Variants in FBXL17 observed in about 807,000 individuals in gnomAD.
The protein encoded by FBXL17 is F-box/LRR-repeat protein 17.
FBXL17 carries 22 observed loss-of-function variants against 66.2 expected under a neutral mutation model. The observed-to-expected ratio is 0.33, with a 90% CI of 0.24 to 0.47. The LOEUF (loss-of-function observed/expected upper bound fraction) is 0.47, where lower values mean the gene tolerates loss of function less well. FBXL17 is among the 20% of genes least tolerant of loss of function. FBXL17 has a pLI of 1.00. For missense variants in FBXL17, 878 were observed against 948.2 expected (o/e 0.93, Z 0.97); for synonymous variants, 474 against 400.5 (o/e 1.18, Z -2.19).
At chr5:108,285,421 T>C (rs544585694) in intron 4 of FBXL17, among the ~76,000 whole-genome samples, 1 of 151,966 alleles carries the variant, frequency 6.6e-6, no homozygotes, top group Admixed American at 6.6e-5. Flanking sequence ...AGCTATAGCC[T>C]TACAAAATAT....
chr5:108,061,842 G>A (rs531228996), intron 6 of FBXL17, among the ~76,000 whole-genome samples: 1 of 151,358 alleles, frequency 6.6e-6, no homozygotes, highest in South Asian at 2.1e-4. Flanking sequence ...GTTTCTTTTA[G>A]TGATTTAAGC....
At chr5:107,982,602 T>A (rs1051280063) in intron 7 of FBXL17, among the ~76,000 whole-genome samples, 5 of 152,188 alleles carry the variant, frequency 3.3e-5, no homozygotes, top group African/African-American at 1.2e-4. Context: ...TATGGAGATT[T>A]TAGGTTAATT....
intron 5 of FBXL17, among the ~76,000 whole-genome samples, chr5:108,204,074 T>C (rs7712192): frequency 1.3e-5 from 2 of 152,118 alleles, no homozygotes; most frequent in African/African-American, 4.8e-5. Flanking sequence ...AAAACAAAAC[T>C]CAACCAAACC....
Position 108,098,699 on chromosome 5 carries a change from C to T in FBXL17, c.1746-77698G>A, listed in dbSNP as rs1048879485. ...GGCGGCGCTTGCAATGAGCCAAGAT[C>T]GTGCTGCTGCACTCCAGCCTGGGCA... is the stretch of plus-strand genomic sequence containing the variant. On this transcript the variant is annotated intron_variant, in intron 6 of 8. Transcript: ENST00000542267. Among the ~76,000 whole-genome samples the T allele has an allele frequency of 3.5e-5, 5 of 144,166 alleles. No individual in the cohort carries two copies. In the East Asian group the frequency reaches 8.3e-4, roughly 24 times the overall value. The allele number at this position is 144,166 out of a possible 152,430, so 94.6% of individuals were successfully genotyped here. A position where few individuals can be genotyped will look rare whatever the true frequency, so the allele number is the denominator to read the frequency against.
At chr5:107,887,031 A>C (rs562626681) in intron 7 of FBXL17, among the ~76,000 whole-genome samples, 2 of 152,256 alleles carry the variant, frequency 1.3e-5, no homozygotes, top group South Asian at 2.1e-4. Flanking sequence ...ATCAGGGAAA[A>C]CTAGTTAAAT....
chr5:108,030,216 C>G (rs1410525305), intron 6 of FBXL17, among the ~76,000 whole-genome samples: 1 of 152,094 alleles, frequency 6.6e-6, no homozygotes, highest in African/African-American at 2.4e-5. Context: ...CCAGGTTGCT[C>G]TGCATGGATT....
At chr5:108,302,476 A>G (rs1410638371) in intron 4 of FBXL17, among the ~76,000 whole-genome samples, 1 of 151,804 alleles carries the variant, frequency 6.6e-6, no homozygotes, top group Non-Finnish European at 1.5e-5. Context: ...GAATTAGCCT[A>G]TCATTGCCTA....
rs1758408389 is a variant in FBXL17, at chr5:108,297,749, AG to A, written c.1506+50649del. ...CAACTCAGAAATAAACTTCAAAAAA[AG>A]TTTATTCATAACAAATTAAGAAATA... On this transcript the variant is annotated intron_variant, in intron 4 of 8. Transcript: ENST00000542267. 7.8e-6 allele frequency: 5 copies of A among 640,280 alleles called. No individual in the cohort carries two copies. The South Asian group carries it at 3.5e-4, about 45-fold the overall frequency. 39.7% of individuals were successfully genotyped at this position (640,280 alleles called of 1,614,324 possible). A position where few individuals can be genotyped will look rare whatever the true frequency, so the allele number is the denominator to read the frequency against.
intron 6 of FBXL17, among the ~76,000 whole-genome samples, chr5:108,114,369 T>C (rs1210834660): frequency 6.8e-6 from 1 of 148,084 alleles, no homozygotes; most frequent in Non-Finnish European, 1.5e-5. Context: ...ATAAATTCAG[T>C]ATGACATCAA....
At chr5:108,150,414 G>C (rs994083211) in intron 6 of FBXL17, among the ~76,000 whole-genome samples, 5 of 152,064 alleles carry the variant, frequency 3.3e-5, no homozygotes, top group African/African-American at 4.8e-5. Context: ...ACGGTGCCCA[G>C]GCTGATCTCA....
At chr5:107,880,740 T>G in intron 8 of FBXL17, 4 of 1,282,602 alleles carry the variant, frequency 3.1e-6, no homozygotes, top group East Asian at 2.9e-5. Flanking sequence ...ATCTTTTACA[T>G]TTTGGTCCAT....
chr5:107,959,081 T>G (rs1751787773), intron 7 of FBXL17, among the ~76,000 whole-genome samples: 1 of 152,108 alleles, frequency 6.6e-6, no homozygotes, highest in African/African-American at 2.4e-5. Context: ...GGGCCTTCTC[T>G]TACACGCACC....
intron 7 of FBXL17, among the ~76,000 whole-genome samples, chr5:107,977,542 T>G (rs1183951612): frequency 6.6e-6 from 1 of 152,142 alleles, no homozygotes; most frequent in African/African-American, 2.4e-5. Context: ...TGAACAGAGA[T>G]GGGCTGTTTA....
At chr5:107,870,176 C>T (rs550177375) in intron 8 of FBXL17, among the ~76,000 whole-genome samples, 1 of 152,264 alleles carries the variant, frequency 6.6e-6, no homozygotes, top group African/African-American at 2.4e-5. Flanking sequence ...AAGCCACCGA[C>T]TGAAAAGCTC....
At chr5:108,258,326 G>A (rs375433030) in intron 4 of FBXL17, among the ~76,000 whole-genome samples, 1 of 152,110 alleles carries the variant, frequency 6.6e-6, no homozygotes, top group South Asian at 2.1e-4. Context: ...CCAGAGTTCT[G>A]AGAAAATAAA....
chr5:107,996,737 T>A (rs75462793), intron 7 of FBXL17, among the ~76,000 whole-genome samples: 7,299 of 152,290 alleles, frequency 0.048, 421 homozygotes, highest in East Asian at 0.19. Flanking sequence ...GTGAAGAAAC[T>A]GAGATCCAGA....
chr5:107,864,368 T>C (rs1358698891), intron 8 of FBXL17, among the ~76,000 whole-genome samples: 1 of 152,254 alleles, frequency 6.6e-6, no homozygotes, highest in Non-Finnish European at 1.5e-5. Context: ...AAGCAAGGAA[T>C]AACTTTTAGA....
At chr5:108,181,156 TC>T in intron 6 of FBXL17, among the ~76,000 whole-genome samples, 1 of 152,288 alleles carries the variant, frequency 6.6e-6, no homozygotes, top group South Asian at 2.1e-4. Flanking sequence ...GCTTCTGGAC[TC>T]CGCGTCAAAC....
At chr5:108,127,775 T>C (rs901969750) in intron 6 of FBXL17, among the ~76,000 whole-genome samples, 2 of 152,176 alleles carry the variant, frequency 1.3e-5, no homozygotes, top group African/African-American at 4.8e-5. Context: ...TCAATGAAAT[T>C]AATCTAATAA....
Sources: allele counts gnomAD v4.1 joint callset (sites outside exome capture counted in the v4.1 genomes callset), GRCh38; gene constraint gnomAD v4.1.1; transcripts MANE v1.5; gene names NCBI Gene and HGNC (gene_info 2026-07-23, HGNC 2026-07-21).